The following AGPAT3 variants were observed in gnomAD, a reference collection of about 807,000 sequenced individuals.
The protein encoded by AGPAT3 is 1-acyl-sn-glycerol-3-phosphate acyltransferase gamma.
A neutral mutation model predicts 47.3 loss-of-function variants in AGPAT3; 5 were observed. The observed-to-expected ratio is 0.11, with a 90% CI of 0.06 to 0.22. The LOEUF is 0.22. Among genes scored for constraint, AGPAT3 ranks in the 10% least tolerant of loss-of-function variants. The pLI, the probability that AGPAT3 is intolerant of heterozygous loss-of-function variation, is 1.00. For synonymous variants in AGPAT3, 212 were observed against 208.3 expected (o/e 1.02, Z -0.15); for missense variants, 315 against 493.0 (o/e 0.64, Z 3.42).
At chr21:43,961,505 C>T (rs1302328969) in intron 3 of AGPAT3, among the ~76,000 whole-genome samples, 1 of 125,950 alleles carries the variant, frequency 7.9e-6, no homozygotes, top group Non-Finnish European at 1.7e-5. Context: ...AACGCGTAGA[C>T]ACTTTGTCTC....
chr21:43,969,767 G>A (rs747285504), intron 5 of AGPAT3, among the ~76,000 whole-genome samples: 1 of 151,692 alleles, frequency 6.6e-6, no homozygotes, highest in Non-Finnish European at 1.5e-5. Context: ...GTGCAATCTC[G>A]GGTCACTGCA....
intron 1 of AGPAT3, among the ~76,000 whole-genome samples, chr21:43,869,117 A>AATTG (rs767071664): frequency 1.8e-4 from 27 of 152,356 alleles, no homozygotes; most frequent in Non-Finnish European, 3.2e-4. Context: ...TCTCCATCTG[A>AATTG]ATTGATAGAA....
chr21:43,961,091 G>A (rs1407009473), intron 3 of AGPAT3, among the ~76,000 whole-genome samples: 3 of 150,790 alleles, frequency 2.0e-5, no homozygotes, highest in African/African-American at 7.3e-5. Context: ...AGTGAGCTGA[G>A]ATCACACCAC....
chr21:43,979,298 CAAAAAAA>C (rs540542305), intron 8 of AGPAT3, among the ~76,000 whole-genome samples: 3 of 57,734 alleles, frequency 5.2e-5, no homozygotes, highest in South Asian at 6.8e-4. Flanking sequence ...GACTCCAACT[CAAAAAAA>C]AAAAAAAAAA....
chr21:43,934,407 G>A lies in AGPAT3; in HGVS notation c.-48-25227G>A, dbSNP rs569097630. Among the ~76,000 whole-genome samples the A allele has an allele frequency of 3.1e-4, 47 of 152,376 alleles. No individual in the cohort carries two copies. The highest frequency in any genetic ancestry group is 3.7e-4 in the Non-Finnish European group (25 of 68,032). On this transcript the variant is annotated intron_variant, in intron 2 of 9. Transcript: ENST00000291572. This position sits in a 1 kb window ranked among gnomAD's most constrained non-coding sequence, Gnocchi z 4.7. The stretch of plus-strand genomic sequence containing the variant: ...CAGAGGCTCCGCAAGTCCCCAGGCC[G>A]TCGGCTGCCTGGCCCTGGCCTGCGT...
chr21:43,894,919 A>G (rs2070011212), intron 1 of AGPAT3, among the ~76,000 whole-genome samples: 1 of 151,954 alleles, frequency 6.6e-6, no homozygotes, highest in South Asian at 2.1e-4. Context: ...TTTATCATCA[A>G]CTCTCTTGAT....
chr21:43,956,467 G>A (rs552073224), intron 2 of AGPAT3, among the ~76,000 whole-genome samples: 3 of 152,352 alleles, frequency 2.0e-5, no homozygotes, highest in South Asian at 4.1e-4. Flanking sequence ...TCTGGAATGC[G>A]TGAGAGGTGT....
rs144780925 is a variant in AGPAT3, at chr21:43,916,740, C to G, written c.-49+12721C>G. 3.5e-3 allele frequency among the ~76,000 whole-genome samples: 533 copies of G among 152,204 alleles called. 5 individuals are homozygous for G. The highest frequency in any genetic ancestry group is 0.012 in the African/African-American group (512 of 41,522). ...TATGATTGGTGTGTTTGGACCAGGG[C>G]TGTGGTCATTTTGTGTATTTTAGGG... On this transcript the variant is annotated intron_variant, in intron 2 of 9. Coordinates refer to ENST00000291572, the MANE Select transcript of AGPAT3 (RefSeq NM_020132.5).
At chr21:43,947,858 C>T (rs981288092) in intron 2 of AGPAT3, among the ~76,000 whole-genome samples, 15 of 151,938 alleles carry the variant, frequency 9.9e-5, no homozygotes, top group Non-Finnish European at 1.5e-4. Flanking sequence ...TTGGTGAGAC[C>T]ATCACCATGA....
chr21:43,978,164 G>A, intron 8 of AGPAT3, 43 bp downstream of exon 8: 1 of 1,582,792 alleles, frequency 6.3e-7, no homozygotes, highest in Non-Finnish European at 8.6e-7. Flanking sequence ...GTCTCCTGAA[G>A]AGGCTGTGGA....
intron 2 of AGPAT3, among the ~76,000 whole-genome samples, chr21:43,947,388 C>T (rs2087943576): frequency 1.3e-5 from 2 of 152,220 alleles, no homozygotes; most frequent in Non-Finnish European, 2.9e-5. Flanking sequence ...GTGTGGGTCT[C>T]ATAAGAGAGG....
chr21:43,985,387 C>G lies in AGPAT3; in HGVS notation c.*2995C>G. ...ACACAAAACAACAATGTAAGCAGCA[C>G]TTTCTTGTGTAAAAAAAAAAAAAAA... On this transcript the variant is annotated 3_prime_UTR_variant, in exon 10 of 10. Coordinates refer to ENST00000291572, the MANE Select transcript of AGPAT3 (RefSeq NM_020132.5). 1 of 314,644 alleles carries G rather than the reference C, an allele frequency of 3.2e-6. No individual in the cohort carries two copies. Among genetic ancestry groups the G allele is most frequent in the Non-Finnish European group, 6.2e-6 (1 of 160,514 alleles). The allele number at this position is 314,644 out of a possible 1,614,324, so 19.5% of individuals were successfully genotyped here.
intron 2 of AGPAT3, 75 bp from the exon 3 acceptor site, chr21:43,959,559 T>C: frequency 7.3e-7 from 1 of 1,364,310 alleles, no homozygotes; most frequent in Non-Finnish European, 1.0e-6. Context: ...GGGTGTGCAG[T>C]GAGCAGTGCC....
At chr21:43,961,525 G>T (rs1368470107) in intron 3 of AGPAT3, among the ~76,000 whole-genome samples, 5 of 58,174 alleles carry the variant, frequency 8.6e-5, no homozygotes. Context: ...CGTGGGAAAC[G>T]GTGAGCGCGT....
At chr21:43,879,294 G>T (rs150792113) in intron 1 of AGPAT3, among the ~76,000 whole-genome samples, 8 of 148,048 alleles carry the variant, frequency 5.4e-5, no homozygotes, top group African/African-American at 2.0e-4. Flanking sequence ...AGGTTGCAGT[G>T]CGCTGAGATT....
chr21:43,968,412 T>C (rs1001988265), intron 4 of AGPAT3, among the ~76,000 whole-genome samples: 2 of 117,672 alleles, frequency 1.7e-5, no homozygotes, highest in Non-Finnish European at 3.6e-5. Flanking sequence ...TCTGGGGGAG[T>C]AGGCGGGTGC....
At chr21:43,889,731 A>G (rs187143313) in intron 1 of AGPAT3, among the ~76,000 whole-genome samples, 1 of 152,346 alleles carries the variant, frequency 6.6e-6, no homozygotes, top group African/African-American at 2.4e-5. Context: ...TAAGTGTGCA[A>G]TAGCATTGTG....
chr21:43,903,530 G>T (rs879178494), intron 1 of AGPAT3, among the ~76,000 whole-genome samples: 2 of 152,240 alleles, frequency 1.3e-5, no homozygotes, highest in Non-Finnish European at 2.9e-5. Context: ...CCAGGGCTGC[G>T]GCTGGCAGGG....
chr21:43,980,280 AAAAAAAAAAAAC>A (rs985505205), intron 8 of AGPAT3, among the ~76,000 whole-genome samples: 12 of 148,506 alleles, frequency 8.1e-5, no homozygotes, highest in African/African-American at 3.1e-4. Context: ...CATCTCAAAA[AAAAAAAAAAAAC>A]AAAAAAAAAC....
Sources: allele counts gnomAD v4.1 joint callset (sites outside exome capture counted in the v4.1 genomes callset), GRCh38; gene constraint gnomAD v4.1.1; non-coding constraint Gnocchi (gnomAD v3.1); transcripts MANE v1.5; gene names NCBI Gene and HGNC (gene_info 2026-07-23, HGNC 2026-07-21).